PRKG1: variants seen among roughly 807,000 people sequenced by gnomAD.
The protein encoded by PRKG1 is cGMP-dependent protein kinase 1.
In PRKG1, 35 loss-of-function variants were observed where a neutral mutation model predicts 88.1. That is an observed-to-expected ratio of 0.40 (90% CI 0.30 to 0.53). PRKG1 has a LOEUF of 0.53. PRKG1 is among the 20% of genes least tolerant of loss of function. The pLI is 0.59. For missense variants in PRKG1, 540 were observed against 839.8 expected, an observed-to-expected ratio of 0.64 and a Z score of 4.41; for synonymous variants, 303 against 292.5, an observed-to-expected ratio of 1.04 and a Z score of -0.37.
chr10:51,617,941 T>A (rs939047445), intron 3 of PRKG1, among the ~76,000 whole-genome samples: 1 of 152,224 alleles, frequency 6.6e-6, no homozygotes, highest in Admixed American at 6.5e-5. Flanking sequence ...AAATAACAGA[T>A]GCAGAACATC....
chr10:52,223,850 C>T (rs979505112), intron 9 of PRKG1, among the ~76,000 whole-genome samples: 2 of 152,118 alleles, frequency 1.3e-5, no homozygotes, highest in Non-Finnish European at 2.9e-5. Context: ...CTTTCACTCA[C>T]ATCGTATCTT....
intron 1 of PRKG1, among the ~76,000 whole-genome samples, chr10:51,108,605 G>T (rs1480418844): frequency 6.6e-6 from 1 of 152,070 alleles, no homozygotes; most frequent in Non-Finnish European, 1.5e-5. Context: ...GCTCTCCACA[G>T]GAATAGAAGG....
At chr10:52,126,553 C>T (rs1847935377) in intron 7 of PRKG1, among the ~76,000 whole-genome samples, 2 of 152,130 alleles carry the variant, frequency 1.3e-5, no homozygotes, top group South Asian at 4.1e-4. Context: ...GCTACATTGC[C>T]CAGGCTGGTC....
chr10:51,987,875 T>C (rs932943341), intron 5 of PRKG1, among the ~76,000 whole-genome samples: 1 of 152,066 alleles, frequency 6.6e-6, no homozygotes, highest in African/African-American at 2.4e-5. Context: ...ATATTTTTAA[T>C]GAAATTATAA....
chr10:50,995,765 A>C (rs936723140), intron 1 of PRKG1, among the ~76,000 whole-genome samples: 50 of 152,366 alleles, frequency 3.3e-4, no homozygotes, highest in Middle Eastern at 6.8e-3. Flanking sequence ...AGGAAAGGCT[A>C]GAATCAATAT....
chr10:51,746,302 T>TAA (rs35746229), intron 3 of PRKG1, among the ~76,000 whole-genome samples: 5 of 142,598 alleles, frequency 3.5e-5, no homozygotes, highest in Admixed American at 7.0e-5. Context: ...AGTTTACATT[T>TAA]AAAAAAAAAA....
At chr10:51,514,895 C>G (rs1049385706) in intron 3 of PRKG1, among the ~76,000 whole-genome samples, 1 of 152,176 alleles carries the variant, frequency 6.6e-6, no homozygotes, top group Non-Finnish European at 1.5e-5. Context: ...TCGGCCTCAG[C>G]ACTGTGAACA....
At chr10:51,940,451 T>G (rs1315664698) in intron 5 of PRKG1, among the ~76,000 whole-genome samples, 2 of 151,900 alleles carry the variant, frequency 1.3e-5, no homozygotes, top group Non-Finnish European at 2.9e-5. Context: ...ATGTGATATG[T>G]GAATATAGGG....
At chr10:51,807,495 G>A (rs891679762) in intron 4 of PRKG1, among the ~76,000 whole-genome samples, 20 of 152,182 alleles carry the variant, frequency 1.3e-4, no homozygotes, top group African/African-American at 4.6e-4. Flanking sequence ...TGACACAGGA[G>A]CCTTTCTGAA....
At chr10:52,041,189 G>T (rs968400672) in intron 5 of PRKG1, among the ~76,000 whole-genome samples, 2 of 152,060 alleles carry the variant, frequency 1.3e-5, no homozygotes, top group Admixed American at 1.3e-4. Flanking sequence ...TCATCAAATT[G>T]ATGTTGAATT....
At chr10:51,160,882 GTGTGTGTGTGTGTC>G in intron 2 of PRKG1, among the ~76,000 whole-genome samples, 1 of 151,144 alleles carries the variant, frequency 6.6e-6, no homozygotes. Context: ...GCTCGTGTGT[GTGTGTGTGTGTGTC>G]TGTGTGTGTG....
intron 9 of PRKG1, among the ~76,000 whole-genome samples, chr10:52,220,092 C>T (rs1309887224): frequency 1.3e-5 from 2 of 152,094 alleles, no homozygotes; most frequent in African/African-American, 2.4e-5. Flanking sequence ...AGTCAAGAAG[C>T]CTCTGTCTAG....
chr10:51,188,471 G>A (rs2132036686), intron 2 of PRKG1, among the ~76,000 whole-genome samples: 1 of 151,778 alleles, frequency 6.6e-6, no homozygotes, highest in South Asian at 2.1e-4. Flanking sequence ...TAATGATCAT[G>A]TATCATGTTT....
intron 9 of PRKG1, among the ~76,000 whole-genome samples, chr10:52,222,673 G>A (rs1840276005): frequency 6.6e-6 from 1 of 152,184 alleles, no homozygotes. Flanking sequence ...AATTGTCTGT[G>A]ACTCAGTTTT....
intron 4 of PRKG1, 49 bp downstream of exon 4, chr10:51,804,739 C>T: frequency 7.4e-7 from 1 of 1,342,616 alleles, no homozygotes; most frequent in South Asian, 1.2e-5. Flanking sequence ...TCCTTTTAGC[C>T]CTATTATCTG....
intron 5 of PRKG1, among the ~76,000 whole-genome samples, chr10:51,996,983 G>A (rs904543400): frequency 5.3e-5 from 8 of 152,080 alleles, no homozygotes; most frequent in African/African-American, 1.7e-4. Flanking sequence ...TAAAATGAAG[G>A]AGCCTGAAGG....
chr10:51,167,785 G>A (rs1846590111), intron 2 of PRKG1, among the ~76,000 whole-genome samples: 1 of 152,014 alleles, frequency 6.6e-6, no homozygotes, highest in African/African-American at 2.4e-5. Flanking sequence ...TTTCTGAGAT[G>A]GAAAAAAGTG....
intron 2 of PRKG1, among the ~76,000 whole-genome samples, chr10:51,357,927 A>G (rs1842400907): frequency 6.6e-6 from 1 of 151,964 alleles, no homozygotes; most frequent in Non-Finnish European, 1.5e-5. Context: ...TTACTGTTCA[A>G]TACATTTTAT....
At chr10:51,794,939 A>G (rs929398202) in intron 3 of PRKG1, among the ~76,000 whole-genome samples, 20 of 152,084 alleles carry the variant, frequency 1.3e-4, no homozygotes, top group African/African-American at 4.8e-4. Flanking sequence ...AGATAGGACT[A>G]TTTCATAGGA....
Sources: allele counts gnomAD v4.1 joint callset (sites outside exome capture counted in the v4.1 genomes callset), GRCh38; gene constraint gnomAD v4.1.1; transcripts MANE v1.5; gene names NCBI Gene and HGNC (gene_info 2026-07-23, HGNC 2026-07-21).